FSTL4: variants seen among roughly 807,000 people sequenced by gnomAD.
FSTL4 encodes follistatin-related protein 4.
In FSTL4, 28 loss-of-function variants were observed where a neutral mutation model predicts 78.2. The observed-to-expected ratio is 0.36, with a 90% CI of 0.27 to 0.49. FSTL4 has a LOEUF of 0.49. Among genes scored for constraint, FSTL4 ranks in the 20% least tolerant of loss-of-function variants. The probability of loss-of-function intolerance (pLI) is 0.98; values close to 1 mark genes in which losing one functional copy is unlikely to be tolerated. For synonymous variants in FSTL4, 422 were observed against 440.5 expected (o/e 0.96, Z 0.53); for missense variants, 922 against 1,084.9 (o/e 0.85, Z 2.11).
chr5:133,773,257 C>CAAA, the FSTL4 span, among the ~76,000 whole-genome samples: 1 of 128,598 alleles, frequency 7.8e-6, no homozygotes. Flanking sequence ...TTCATATGAC[C>CAAA]AAAAAAAAAA....
At chr5:133,557,278 CT>C (rs979398286) in intron 3 of FSTL4, among the ~76,000 whole-genome samples, 28 of 152,244 alleles carry the variant, frequency 1.8e-4, no homozygotes, top group Admixed American at 1.3e-4. Flanking sequence ...CACCTCCCCC[CT>C]GAAACGCTAG....
At chr5:133,245,118 G>T (rs1170827789) in intron 7 of FSTL4, among the ~76,000 whole-genome samples, 17 of 115,382 alleles carry the variant, frequency 1.5e-4, no homozygotes, top group African/African-American at 7.3e-4. Flanking sequence ...AGACCCTACT[G>T]CCTAAAAAAA....
At chr5:133,837,611 C>T in the FSTL4 span, among the ~76,000 whole-genome samples, 1 of 152,244 alleles carries the variant, frequency 6.6e-6, no homozygotes. Flanking sequence ...TTAATGATGG[C>T]CTTTGTGAGA....
chr5:133,734,608 T>C, the FSTL4 span, among the ~76,000 whole-genome samples: 1 of 152,218 alleles, frequency 6.6e-6, no homozygotes. Context: ...CTGTGTATGT[T>C]TGAAATTTTT....
chr5:133,838,048 C>A, the FSTL4 span, among the ~76,000 whole-genome samples: 1 of 152,116 alleles, frequency 6.6e-6, no homozygotes, highest in Non-Finnish European at 1.5e-5. Context: ...CCACCACACC[C>A]AGCTAATTTT....
At chr5:133,264,610 G>T (rs950114353) in intron 6 of FSTL4, among the ~76,000 whole-genome samples, 2 of 152,222 alleles carry the variant, frequency 1.3e-5, no homozygotes, top group Admixed American at 1.3e-4. Context: ...AACCTTTTCT[G>T]TGTTAGGCAG....
chr5:133,400,716 A>G, intron 4 of FSTL4, 22 bp downstream of exon 4: 1 of 1,604,882 alleles, frequency 6.2e-7, no homozygotes, highest in Non-Finnish European at 8.5e-7. Flanking sequence ...CCAAAACCAC[A>G]GGGCAAGGGC....
intron 3 of FSTL4, among the ~76,000 whole-genome samples, chr5:133,447,755 G>C (rs1757297987): frequency 6.6e-6 from 1 of 152,168 alleles, no homozygotes; most frequent in Admixed American, 6.5e-5. Context: ...GGCCAGGCTG[G>C]TCTTGAACTC....
intron 6 of FSTL4, among the ~76,000 whole-genome samples, chr5:133,278,348 C>T (rs915884415): frequency 6.6e-6 from 1 of 152,234 alleles, no homozygotes; most frequent in African/African-American, 2.4e-5. Context: ...CTCTGCCACA[C>T]CTCGGCTGCA....
the FSTL4 span, among the ~76,000 whole-genome samples, chr5:133,704,688 T>A: frequency 6.6e-6 from 1 of 152,216 alleles, no homozygotes; most frequent in African/African-American, 2.4e-5. Flanking sequence ...CATGATAAGA[T>A]ACTGTCAGCA....
At chr5:133,699,880 C>CAAAAAAAAA in the FSTL4 span, among the ~76,000 whole-genome samples, 2 of 62,458 alleles carry the variant, frequency 3.2e-5, no homozygotes, top group Admixed American at 1.9e-4. Context: ...GACTCCATCT[C>CAAAAAAAAA]AAAAAAAAAA....
At chr5:133,532,483 T>C (rs1379253202) in intron 3 of FSTL4, among the ~76,000 whole-genome samples, 1 of 152,178 alleles carries the variant, frequency 6.6e-6, no homozygotes, top group Non-Finnish European at 1.5e-5. Context: ...GCCTCTATTG[T>C]AGAACAAGGC....
chr5:133,395,677 A>G, intron 4 of FSTL4, among the ~76,000 whole-genome samples: 1 of 152,094 alleles, frequency 6.6e-6, no homozygotes, highest in East Asian at 1.9e-4. Flanking sequence ...CCAGGATCCC[A>G]TAATCACTTG....
At chr5:133,497,856 T>C (rs2112874358) in intron 3 of FSTL4, among the ~76,000 whole-genome samples, 1 of 152,200 alleles carries the variant, frequency 6.6e-6, no homozygotes, top group East Asian at 1.9e-4. Flanking sequence ...CAGATTTAGG[T>C]GAAGGTTTAC....
At chr5:133,695,557 C>T in the FSTL4 span, among the ~76,000 whole-genome samples, 5 of 152,288 alleles carry the variant, frequency 3.3e-5, no homozygotes, top group East Asian at 9.6e-4. Flanking sequence ...AGCTGGAGAC[C>T]TTACACCACT....
chr5:133,467,035 A>T (rs186365226), intron 3 of FSTL4, among the ~76,000 whole-genome samples: 4 of 151,224 alleles, frequency 2.6e-5, no homozygotes, highest in Admixed American at 2.6e-4. Flanking sequence ...AGTGTATGTG[A>T]GAGTATGATT....
At chr5:133,651,715 T>C in the FSTL4 span, among the ~76,000 whole-genome samples, 1 of 152,072 alleles carries the variant, frequency 6.6e-6, no homozygotes. Context: ...TTCTCATCTA[T>C]GTTTATGAAA....
chr5:133,574,802 T>A (rs1397033590), intron 2 of FSTL4: 1 of 152,184 alleles, frequency 6.6e-6, no homozygotes. Flanking sequence ...GTCATAGCGC[T>A]GAGGGAAAGA....
the FSTL4 span, among the ~76,000 whole-genome samples, chr5:133,782,719 C>T: frequency 6.6e-6 from 1 of 152,236 alleles, no homozygotes; most frequent in African/African-American, 2.4e-5. Context: ...ACCCAGGATA[C>T]TGTAGAGCCG....
Sources: allele counts gnomAD v4.1 joint callset (sites outside exome capture counted in the v4.1 genomes callset), GRCh38; gene constraint gnomAD v4.1.1; transcripts MANE v1.5; gene names NCBI Gene and HGNC (gene_info 2026-07-23, HGNC 2026-07-21).